TUFT1: variants seen among roughly 807,000 people sequenced by gnomAD.
The protein encoded by TUFT1 is tuftelin 1.
Under a neutral mutation model 57.8 loss-of-function variants are expected in TUFT1, and 43 were observed. The ratio of observed to expected loss-of-function variants is 0.74; its 90% CI spans 0.58 to 0.96. TUFT1 has a LOEUF of 0.96. Among genes scored for constraint, TUFT1 ranks in the 40% least tolerant of loss-of-function variants. The pLI is 0.00. For synonymous variants in TUFT1, 166 were observed against 176.7 expected, an observed-to-expected ratio of 0.94 and a Z score of 0.48; for missense variants, 459 against 489.0, an observed-to-expected ratio of 0.94 and a Z score of 0.58.
At chr1:151,553,352 C>T (rs1283170878) in intron 1 of TUFT1, among the ~76,000 whole-genome samples, 1 of 152,158 alleles carries the variant, frequency 6.6e-6, no homozygotes, top group Non-Finnish European at 1.5e-5. Context: ...TCCCAAAGTG[C>T]TGAGATTACA....
At chr1:151,556,872 G>C (rs150344476) in intron 1 of TUFT1, among the ~76,000 whole-genome samples, 92 of 152,288 alleles carry the variant, frequency 6.0e-4, no homozygotes, top group South Asian at 4.4e-3. Flanking sequence ...TACGTGGGAG[G>C]CTGAGGTAGG....
intron 6 of TUFT1, among the ~76,000 whole-genome samples, chr1:151,566,671 C>A (rs1666093931): frequency 6.6e-6 from 1 of 151,974 alleles, no homozygotes; most frequent in East Asian, 1.9e-4. Flanking sequence ...CATAGACAAC[C>A]ATATTTAAAT....
intron 7 of TUFT1, among the ~76,000 whole-genome samples, chr1:151,570,748 G>A (rs961440561): frequency 3.3e-5 from 5 of 151,924 alleles, no homozygotes; most frequent in Non-Finnish European, 4.4e-5. Context: ...TCACTCTATT[G>A]CCAGGCTTGA....
rs75843578 is a variant in TUFT1, at chr1:151,582,391, C to T, written c.*684C>T. The stretch of plus-strand genomic sequence containing the variant: ...CTACAGACAGTCATGTGTGACTTCT[C>T]TCTGCTGTGAAAACTCCCAGAGTCT... On this transcript the variant is annotated 3_prime_UTR_variant, in exon 13 of 13. Coordinates refer to ENST00000368849, the MANE Select transcript of TUFT1 (RefSeq NM_020127.3). 353 of 358,586 alleles carry T rather than the reference C, an allele frequency of 9.8e-4. 2 individuals carry two copies. Among genetic ancestry groups the T allele is most frequent in the African/African-American group, 6.9e-3 (325 of 46,944 alleles). The allele number at this position is 358,586 out of a possible 1,614,324, so 22.2% of individuals were successfully genotyped here.
intron 1 of TUFT1, chr1:151,557,791 T>C: frequency 1.3e-6 from 1 of 760,422 alleles, no homozygotes; most frequent in Admixed American, 1.7e-5. Context: ...CCTGCAAGAC[T>C]CACAAGAGGG....
At chr1:151,540,613 C>T (rs1025629789) in intron 1 of TUFT1, 187 bp downstream of exon 1, 6 of 650,228 alleles carry the variant, frequency 9.2e-6, no homozygotes, top group African/African-American at 9.1e-5. Context: ...GGGGTGAAGA[C>T]TCCTTTGAGG....
rs1297799396 is a variant in TUFT1 at position 151,581,711 on chromosome 1, G to A, written c.*4G>A. 1.2e-6 allele frequency: 2 copies of A among 1,614,154 alleles called. No individual in the cohort carries two copies. The highest frequency in any genetic ancestry group is 1.7e-6 in the Non-Finnish European group (2 of 1,180,000). On this transcript the variant is annotated 3_prime_UTR_variant, in exon 13 of 13. Coordinates refer to ENST00000368849, the MANE Select transcript of TUFT1 (RefSeq NM_020127.3). ...CATCCGAGTGGTGGAAACCTGAGCT[G>A]CCTGGAGATGGTTGCTGCCATTGCT...
chr1:151,540,403 G>C lies in TUFT1; in HGVS notation c.37G>C (p.Val13Leu), dbSNP rs147717001. The C allele has an allele frequency of 7.3e-4, 1,185 of 1,614,192 alleles. 7 individuals are homozygous for C. The African/African-American group carries it at 0.012, about 17-fold the overall frequency. The change falls in exon 1 of 13, where the codon GTG becomes CTG. Residue 13 changes from valine (V) to leucine (L), a missense_variant. Val to Leu is a conservative substitution (Grantham distance 32). Transcript: ENST00000368849. ...GTRNWCTLVD[V>L]HPEDQAAGSV... The stretch of plus-strand genomic sequence containing the variant: ...GCGGAACTGGTGTACCCTGGTGGAC[G>C]TGCACCCAGAGGACCAGGCGGCGGT...
rs1666656841 is a variant in TUFT1, at chr1:151,581,880, G to C, written c.*173G>C. On this transcript the variant is annotated 3_prime_UTR_variant, in exon 13 of 13. Transcript: ENST00000368849. ...GCCCCTGGCCACTCTAAGCTGGGCAGACGGAGCACGAGCACCTATTCAAGG... is the reference window on the plus strand; with the variant it reads ...GCCCCTGGCCACTCTAAGCTGGGCACACGGAGCACGAGCACCTATTCAAGG... 2 of 668,354 alleles carry C rather than the reference G, an allele frequency of 3.0e-6. No homozygotes were observed. Among genetic ancestry groups the C allele is most frequent in the Non-Finnish European group, 5.3e-6 (2 of 376,328 alleles). The allele number at this position is 668,354 out of a possible 1,614,324, so 41.4% of individuals were successfully genotyped here. A position where few individuals can be genotyped will look rare whatever the true frequency, so the allele number is the denominator to read the frequency against.
chr1:151,551,161 C>A (rs1031034376), intron 1 of TUFT1, among the ~76,000 whole-genome samples: 53 of 152,084 alleles, frequency 3.5e-4, no homozygotes, highest in African/African-American at 1.3e-3. Context: ...CTTGTTATTT[C>A]TTTTTAGAGT....
chr1:151,574,235 C>A, intron 7 of TUFT1, 35 bp from the exon 8 acceptor site: 1 of 1,580,216 alleles, frequency 6.3e-7, no homozygotes, highest in Non-Finnish European at 8.6e-7. Context: ...CTCTTTTTTC[C>A]ACACCATTTA....
intron 1 of TUFT1, among the ~76,000 whole-genome samples, chr1:151,559,615 G>A (rs1343863978): frequency 6.6e-6 from 1 of 152,174 alleles, no homozygotes; most frequent in Non-Finnish European, 1.5e-5. Context: ...CTCTAAGGAT[G>A]TGGCTTTTAT....
At chr1:151,553,707 T>C in intron 1 of TUFT1, among the ~76,000 whole-genome samples, 1 of 152,224 alleles carries the variant, frequency 6.6e-6, no homozygotes, top group East Asian at 1.9e-4. Flanking sequence ...AGAGTACTTT[T>C]GTGTTTATCT....
At chr1:151,579,595 A>C in intron 10 of TUFT1, 54 bp from the exon 11 acceptor site, 1 of 1,586,190 alleles carries the variant, frequency 6.3e-7, no homozygotes, top group Non-Finnish European at 8.6e-7. Context: ...AAGTCTGGTG[A>C]GTGTGTAATG....
At position 151,574,385 on chromosome 1, in the gene TUFT1, T is replaced by A; in HGVS notation, c.710T>A (p.Leu237Gln). 6.2e-7 allele frequency: 1 copy of A among 1,614,050 alleles called. No homozygotes were observed. Among genetic ancestry groups the A allele is most frequent in the Non-Finnish European group, 8.5e-7 (1 of 1,179,992 alleles). Residue 237 changes from leucine to glutamine, a missense_variant, in exon 8 of 13, where the codon CTA becomes CAA. Leu to Gln is a moderately radical substitution (Grantham distance 113, BLOSUM62 -2). Transcript: ENST00000368849. ...AEVGELQRRL[L>Q]GMETEHQALL... ...GTCGGAGAGCTGCAGAGGCGCTTGC[T>A]AGGGATGGAGACGGTAACCGGGGGA...
At chr1:151,576,900 C>G (rs1423024502) in intron 9 of TUFT1, among the ~76,000 whole-genome samples, 9 of 152,156 alleles carry the variant, frequency 5.9e-5, no homozygotes, top group Non-Finnish European at 1.2e-4. Flanking sequence ...GCTGGGATTA[C>G]AGGCATGAGC....
rs1455689093 is a variant in TUFT1, at chr1:151,561,212, A to G, written c.61-879A>G. ...ACGGGGTTTCACTGTGTTAGCCAGG[A>G]TGGTCTCGATCTCCTGACCTCGTGA... On this transcript the variant is annotated intron_variant, in intron 1 of 12. Coordinates refer to ENST00000368849, the MANE Select transcript of TUFT1 (RefSeq NM_020127.3). 2.0e-5 allele frequency among the ~76,000 whole-genome samples: 3 copies of G among 151,954 alleles called. No homozygotes were observed. In the East Asian group the frequency reaches 5.8e-4, roughly 29 times the overall value.
At chr1:151,565,978 TCTC>T (rs1666058524) in intron 5 of TUFT1, 182 bp from the exon 6 acceptor site, 2 of 485,798 alleles carry the variant, frequency 4.1e-6, no homozygotes, top group South Asian at 2.6e-5. Context: ...TTCTTCCTCT[TCTC>T]CTTTCTTCAT....
intron 1 of TUFT1, 147 bp from the exon 2 acceptor site, chr1:151,561,943 TC>T (rs765012678): frequency 6.7e-7 from 1 of 1,484,768 alleles, no homozygotes; most frequent in Non-Finnish European, 9.1e-7. Flanking sequence ...TAATGCTGCC[TC>T]CCTGGACTTC....
Sources: gnomAD v4.1 joint callset for allele counts (sites outside exome capture counted in the v4.1 genomes callset) on GRCh38, gnomAD v4.1.1 for gene constraint, MANE v1.5 for transcripts, NCBI Gene and HGNC (gene_info 2026-07-23, HGNC 2026-07-21) for gene names.